Variants in AGBL4 observed in about 807,000 individuals in gnomAD.
The protein encoded by AGBL4 is AGBL carboxypeptidase 4, also known as cytosolic carboxypeptidase 6.
AGBL4 carries 58 observed loss-of-function variants against 66.4 expected under a neutral mutation model. That is an observed-to-expected ratio of 0.87 (90% CI 0.71 to 1.09). The LOEUF is 1.09. AGBL4 is among the 50% of genes least tolerant of loss of function. The pLI is 0.00. For missense variants in AGBL4, 579 were observed against 631.0 expected (o/e 0.92, Z 0.88); for synonymous variants, 234 against 222.9 (o/e 1.05, Z -0.44).
intron 2 of AGBL4, among the ~76,000 whole-genome samples, chr1:49,813,800 G>A (rs1645165372): frequency 6.6e-6 from 1 of 152,092 alleles, no homozygotes; most frequent in African/African-American, 2.4e-5. Context: ...TACGGAATAT[G>A]GAAAGAGAGT....
intron 3 of AGBL4, among the ~76,000 whole-genome samples, chr1:49,542,231 C>T (rs998382816): frequency 6.6e-6 from 1 of 152,182 alleles, no homozygotes; most frequent in Admixed American, 6.5e-5. Flanking sequence ...CTGCCCCAGC[C>T]AGCAGTGGCA....
At chr1:48,579,600 T>G (rs1644706185) in intron 11 of AGBL4, among the ~76,000 whole-genome samples, 1 of 150,276 alleles carries the variant, frequency 6.7e-6, no homozygotes, top group Non-Finnish European at 1.5e-5. Context: ...CTACCCCGTA[T>G]CCAAATAATC....
chr1:48,598,813 A>G (rs1277211704), intron 9 of AGBL4, among the ~76,000 whole-genome samples: 2 of 152,018 alleles, frequency 1.3e-5, no homozygotes, highest in Admixed American at 1.3e-4. Context: ...GTTCTTCAAT[A>G]ATAAATCAAC....
At chr1:49,591,058 A>G (rs1644742268) in intron 3 of AGBL4, among the ~76,000 whole-genome samples, 2 of 152,102 alleles carry the variant, frequency 1.3e-5, no homozygotes, top group Non-Finnish European at 2.9e-5. Flanking sequence ...TGAAACAAAT[A>G]AAATCGTCTA....
At position 48,596,745 on chromosome 1, in the gene AGBL4, C is replaced by T. The variant is rs529636879; in HGVS notation, c.952-5760G>A. Among the ~76,000 whole-genome samples the T allele has an allele frequency of 3.9e-5, 6 of 152,146 alleles. No homozygotes were observed. In the South Asian group the frequency reaches 6.2e-4, roughly 16 times the overall value. ...TAGGTGTAAGTCACTGTGCCCAGCC[C>T]ATAGCATATACATATATATATTTCT... On this transcript the variant is annotated intron_variant, in intron 9 of 13. Transcript: ENST00000371839.
chr1:49,100,719 C>T lies in AGBL4; in HGVS notation c.378-54919G>A, dbSNP rs929639326. On this transcript the variant is annotated intron_variant, in intron 4 of 13. Transcript: ENST00000371839. ...ACAGGGTCAGGCAGGGCTCAACTAA[C>T]ATAGCAGAAACAGTTTTAAAACCAG... is the stretch of plus-strand genomic sequence containing the variant. Among the ~76,000 whole-genome samples the T allele has an allele frequency of 2.6e-5, 4 of 152,264 alleles. No individual in the cohort carries two copies. The South Asian group carries it at 8.3e-4, about 32-fold the overall frequency.
chr1:48,542,959 C>T (rs907729237), intron 11 of AGBL4, among the ~76,000 whole-genome samples: 17 of 152,152 alleles, frequency 1.1e-4, no homozygotes, highest in African/African-American at 3.9e-4. Flanking sequence ...TCATTCAATT[C>T]TCACAATAAC....
At chr1:48,768,542 A>AG (rs1232727864) in intron 6 of AGBL4, among the ~76,000 whole-genome samples, 1 of 152,358 alleles carries the variant, frequency 6.6e-6, no homozygotes, top group Non-Finnish European at 1.5e-5. Flanking sequence ...AGAAAAAACA[A>AG]GCAGGTGACA....
chr1:48,615,796 G>A (rs891234429), intron 9 of AGBL4, among the ~76,000 whole-genome samples: 4 of 152,134 alleles, frequency 2.6e-5, no homozygotes, highest in African/African-American at 7.2e-5. Flanking sequence ...AATACCTGAG[G>A]CTGGGTGATT....
intron 2 of AGBL4, among the ~76,000 whole-genome samples, chr1:49,800,135 C>T (rs893367236): frequency 6.6e-6 from 1 of 152,158 alleles, no homozygotes. Flanking sequence ...ATCTTTACCT[C>T]TTGGTGTTTA....
At chr1:49,420,869 G>C (rs913937219) in intron 3 of AGBL4, among the ~76,000 whole-genome samples, 8 of 152,186 alleles carry the variant, frequency 5.3e-5, no homozygotes, top group South Asian at 2.1e-4. Flanking sequence ...TGGGGATAAT[G>C]AGGTGCATAA....
In AGBL4 at chr1:48,828,953, A is replaced by G. The variant is rs1646490186; in HGVS notation, c.634+38238T>C. 3.3e-5 allele frequency among the ~76,000 whole-genome samples: 5 copies of G among 152,178 alleles called. No individual in the cohort carries two copies. The South Asian group carries it at 6.2e-4, about 19-fold the overall frequency. Reference sequence around the variant, plus strand: ...TGTGTGTATGTGTGTAAGATATCTCACAACCATTGCTCTTTGCTATGATGC... The same window carrying G: ...TGTGTGTATGTGTGTAAGATATCTCGCAACCATTGCTCTTTGCTATGATGC... On this transcript the variant is annotated intron_variant, in intron 6 of 13. Coordinates refer to ENST00000371839, the MANE Select transcript of AGBL4 (RefSeq NM_032785.4).
intron 6 of AGBL4, among the ~76,000 whole-genome samples, chr1:48,755,986 C>G (rs1401174543): frequency 6.6e-6 from 1 of 152,222 alleles, no homozygotes; most frequent in Non-Finnish European, 1.5e-5. Flanking sequence ...TAGCCAACTA[C>G]TGGCTGGGGG....
At chr1:49,881,853 T>G (rs943192128) in intron 1 of AGBL4, among the ~76,000 whole-genome samples, 2 of 151,814 alleles carry the variant, frequency 1.3e-5, no homozygotes, top group Non-Finnish European at 3.0e-5. Context: ...TTCACTCTGA[T>G]GGTAGTTTCT....
chr1:48,943,194 C>G (rs1294938461), intron 5 of AGBL4, among the ~76,000 whole-genome samples: 1 of 152,184 alleles, frequency 6.6e-6, no homozygotes, highest in Non-Finnish European at 1.5e-5. Flanking sequence ...CATAAGGACA[C>G]CACTGACAAT....
At chr1:49,204,427 C>T (rs1647968819) in intron 4 of AGBL4, among the ~76,000 whole-genome samples, 1 of 151,662 alleles carries the variant, frequency 6.6e-6, no homozygotes, top group Non-Finnish European at 1.5e-5. Context: ...TGCAGCACTA[C>T]ACCTGGCTAG....
At chr1:49,432,625 G>T (rs1235305996) in intron 3 of AGBL4, among the ~76,000 whole-genome samples, 1 of 151,586 alleles carries the variant, frequency 6.6e-6, no homozygotes, top group Non-Finnish European at 1.5e-5. Context: ...ATTTTACATG[G>T]TTTTACTTTT....
chr1:49,150,284 C>T lies in AGBL4; in HGVS notation c.377+95486G>A, dbSNP rs760628544. On this transcript the variant is annotated intron_variant, in intron 4 of 13. Transcript: ENST00000371839. The stretch of plus-strand genomic sequence containing the variant: ...TTACAACTGAAGGGTCACTACAAGT[C>T]GCACCTATGCACCTACAGGTATATC... 3.8e-4 allele frequency among the ~76,000 whole-genome samples: 58 copies of T among 152,072 alleles called. 1 individual carries two copies. Among genetic ancestry groups the T allele is most frequent in the East Asian group, 1.9e-4 (1 of 5,184 alleles).
chr1:49,153,451 G>C (rs1254187269), intron 4 of AGBL4, among the ~76,000 whole-genome samples: 2 of 151,894 alleles, frequency 1.3e-5, no homozygotes, highest in African/African-American at 4.8e-5. Flanking sequence ...GAAATCCAAG[G>C]TCAAAGCAAA....
Sources: allele counts gnomAD v4.1 joint callset (sites outside exome capture counted in the v4.1 genomes callset), GRCh38; gene constraint gnomAD v4.1.1; transcripts MANE v1.5; gene names NCBI Gene and HGNC (gene_info 2026-07-23, HGNC 2026-07-21).